Variants in SENP5 observed in about 807,000 individuals in gnomAD.
SENP5 encodes SUMO specific peptidase 5.
SENP5 carries 21 observed loss-of-function variants against 74.2 expected under a neutral mutation model. The ratio of observed to expected loss-of-function variants is 0.28; its 90% CI spans 0.20 to 0.41. The LOEUF (loss-of-function observed/expected upper bound fraction) is 0.41. Among genes scored for constraint, SENP5 ranks in the 10% least tolerant of loss-of-function variants. The pLI is 1.00. For missense variants in SENP5, 717 were observed against 889.1 expected (o/e 0.81, Z 2.46); for synonymous variants, 311 against 312.7 (o/e 0.99, Z 0.06).
chr3:196,913,631 A>AT (rs1411488870), intron 6 of SENP5, among the ~76,000 whole-genome samples: 2 of 147,688 alleles, frequency 1.4e-5, no homozygotes, highest in African/African-American at 4.9e-5. Flanking sequence ...AGTGATGAAA[A>AT]GGTTTATAAG....
chr3:196,886,055 C>T lies in SENP5; in HGVS notation c.874C>T (p.Pro292Ser). 1 of 1,614,178 alleles carries T rather than the reference C, an allele frequency of 6.2e-7. No homozygotes were observed. Among genetic ancestry groups the T allele is most frequent in the East Asian group, 2.2e-5 (1 of 44,884 alleles). Residue 292 changes from proline to serine, a missense_variant, in exon 2 of 10, where the codon CCT becomes TCT. Around this residue, in one of 4 missense-constraint regions of SENP5, gnomAD observed 567 missense variants for 577.4 expected, o/e 0.98. Transcript: ENST00000323460. ...NGEGGSCSPF[P>S]SPEPKDPSCR... is the part of the protein sequence containing the mutation. ...TGAGGGTGGCAGTTGCAGCCCATTT[C>T]CTTCCCCAGAACCTAAAGACCCTTC...
intron 2 of SENP5, among the ~76,000 whole-genome samples, chr3:196,895,578 G>A (rs1363575883): frequency 2.0e-5 from 3 of 151,422 alleles, no homozygotes; most frequent in East Asian, 1.9e-4. Context: ...TTGGAGTGCC[G>A]TGGTGGGATC....
At chr3:196,927,397 C>T (rs1013484866) in intron 7 of SENP5, among the ~76,000 whole-genome samples, 2 of 152,158 alleles carry the variant, frequency 1.3e-5, no homozygotes, top group Non-Finnish European at 2.9e-5. Context: ...CAAATGCCAG[C>T]GTCCACAGTC....
At chr3:196,903,746 G>C in intron 6 of SENP5, 136 bp downstream of exon 6, 1 of 555,760 alleles carries the variant, frequency 1.8e-6, no homozygotes, top group East Asian at 3.0e-5. Context: ...TTTTAAATTT[G>C]TTTCTTTTAA....
intron 7 of SENP5, among the ~76,000 whole-genome samples, chr3:196,923,891 C>T (rs757379610): frequency 3.9e-5 from 6 of 152,116 alleles, no homozygotes; most frequent in Non-Finnish European, 1.5e-5. Flanking sequence ...TAAACTATAA[C>T]CTAATGGAAT....
chr3:196,923,354 T>C, intron 6 of SENP5, 60 bp from the exon 7 acceptor site: 1 of 1,533,426 alleles, frequency 6.5e-7, no homozygotes. Flanking sequence ...AAGCTGCTGG[T>C]TTTTGGTGGT....
At chr3:196,888,918 C>A (rs112642589) in intron 2 of SENP5, among the ~76,000 whole-genome samples, 1 of 152,102 alleles carries the variant, frequency 6.6e-6, no homozygotes, top group Non-Finnish European at 1.5e-5. Flanking sequence ...AGATCGAGAC[C>A]ATCCTGGCTA....
At chr3:196,904,036 T>G (rs748359972) in intron 6 of SENP5, among the ~76,000 whole-genome samples, 47 of 152,232 alleles carry the variant, frequency 3.1e-4, no homozygotes, top group Admixed American at 6.5e-5. Flanking sequence ...TGTTAACTGA[T>G]CCATCAGGAG....
At chr3:196,886,769 CCT>C (rs1190702809) in intron 2 of SENP5, 75 bp downstream of exon 2, 51 of 1,260,724 alleles carry the variant, frequency 4.0e-5, no homozygotes, top group Non-Finnish European at 4.9e-5. Context: ...TAATAAGAGT[CCT>C]ATTTTTTTCT....
intron 6 of SENP5, among the ~76,000 whole-genome samples, chr3:196,923,205 A>G (rs1715693128): frequency 6.6e-6 from 1 of 152,250 alleles, no homozygotes; most frequent in Non-Finnish European, 1.5e-5. Flanking sequence ...TGTACTTTGT[A>G]TATCTTTATT....
chr3:196,929,564 A>G (rs1422664111), intron 8 of SENP5, 69 bp from the exon 9 acceptor site: 1 of 953,648 alleles, frequency 1.0e-6, no homozygotes, highest in African/African-American at 1.7e-5. Context: ...TTTTTCCATA[A>G]AGGAGTTTTT....
intron 1 of SENP5, among the ~76,000 whole-genome samples, chr3:196,874,441 T>C (rs1475114626): frequency 2.0e-5 from 3 of 152,044 alleles, no homozygotes; most frequent in African/African-American, 7.2e-5. Context: ...TTAATCCTTA[T>C]CTTGCTCGAC....
chr3:196,902,091 CTTAT>C (rs1423536413), intron 5 of SENP5, among the ~76,000 whole-genome samples: 1 of 152,320 alleles, frequency 6.6e-6, no homozygotes, highest in South Asian at 2.1e-4. Flanking sequence ...TAAGCTCTTT[CTTAT>C]TTATTTGTTT....
chr3:196,899,560 C>A, intron 2 of SENP5, 106 bp from the exon 3 acceptor site: 1 of 665,716 alleles, frequency 1.5e-6, no homozygotes, highest in Non-Finnish European at 2.7e-6. Flanking sequence ...TATAGGTTAA[C>A]CACTGTATGT....
At chr3:196,917,437 A>G (rs1330820269) in intron 6 of SENP5, among the ~76,000 whole-genome samples, 1 of 152,166 alleles carries the variant, frequency 6.6e-6, no homozygotes. Context: ...ACCCAGAGAA[A>G]GGTATCAATA....
At chr3:196,893,614 G>C (rs1714307432) in intron 2 of SENP5, among the ~76,000 whole-genome samples, 1 of 152,040 alleles carries the variant, frequency 6.6e-6, no homozygotes, top group African/African-American at 2.4e-5. Context: ...GCAGCTTCAA[G>C]AAGAGTAAGT....
At chr3:196,915,370 C>G (rs1226115093) in intron 6 of SENP5, among the ~76,000 whole-genome samples, 1 of 152,162 alleles carries the variant, frequency 6.6e-6, no homozygotes, top group Non-Finnish European at 1.5e-5. Flanking sequence ...AACTTGAGCA[C>G]TAGCTGAGCC....
chr3:196,915,563 C>T (rs1328114600), intron 6 of SENP5, among the ~76,000 whole-genome samples: 1 of 152,174 alleles, frequency 6.6e-6, no homozygotes, highest in African/African-American at 2.4e-5. Flanking sequence ...TAAATATCAG[C>T]GGTCGCCAGG....
intron 1 of SENP5, among the ~76,000 whole-genome samples, chr3:196,872,987 C>T (rs1345545198): frequency 6.6e-6 from 1 of 151,874 alleles, no homozygotes; most frequent in East Asian, 1.9e-4. Context: ...TTCATATTCA[C>T]ATCCCTCTGT....
Sources: gnomAD v4.1 joint callset for allele counts (sites outside exome capture counted in the v4.1 genomes callset) on GRCh38, gnomAD v4.1.1 for gene constraint, gnomAD v4.1.1 regional missense constraint, MANE v1.5 for transcripts, NCBI Gene and HGNC (gene_info 2026-07-23, HGNC 2026-07-21) for gene names.